PDE8B: variants seen among roughly 807,000 people sequenced by gnomAD.
PDE8B encodes phosphodiesterase 8B, also known as high affinity cAMP-specific and IBMX-insensitive 3',5'-cyclic phosphodiesterase 8B.
Under a neutral mutation model 101.3 loss-of-function variants are expected in PDE8B, and 26 were observed. The ratio of observed to expected loss-of-function variants is 0.26; its 90% confidence interval spans 0.19 to 0.36. PDE8B has a LOEUF of 0.36. PDE8B is among the 10% of genes least tolerant of loss of function. The pLI, the probability that PDE8B is intolerant of heterozygous loss-of-function variation, is 1.00. For missense variants in PDE8B, 810 were observed against 1,163.1 expected (o/e 0.70, Z 4.42); for synonymous variants, 424 against 429.3 (o/e 0.99, Z 0.15).
At chr5:77,378,048 A>ACACACACACAC (rs1347483439) in intron 10 of PDE8B, among the ~76,000 whole-genome samples, 1 of 93,848 alleles carries the variant, frequency 1.1e-5, no homozygotes, top group South Asian at 3.5e-4. Context: ...ACACACACAC[A>ACACACACACAC]CCCCCTGTTG....
intron 10 of PDE8B, among the ~76,000 whole-genome samples, chr5:77,391,994 G>T (rs1047819872): frequency 7.2e-5 from 11 of 152,098 alleles, no homozygotes; most frequent in African/African-American, 1.9e-4. Flanking sequence ...ATAGCAAATG[G>T]TCTTTATCCC....
chr5:77,097,685 T>A, the PDE8B span, among the ~76,000 whole-genome samples: 45 of 18,128 alleles, frequency 2.5e-3, 1 homozygote, highest in African/African-American at 5.3e-3. Context: ...TGTGGAGATT[T>A]TATATATCTA....
intron 21 of PDE8B, 45 bp from the exon 22 acceptor site, chr5:77,426,400 G>C: frequency 2.3e-6 from 3 of 1,277,778 alleles, no homozygotes; most frequent in Non-Finnish European, 3.4e-6. Context: ...ATGCTCCTGG[G>C]GTCTAAGTTC....
chr5:77,212,531 A>C (rs577903501), intron 1 of PDE8B, among the ~76,000 whole-genome samples: 1 of 152,280 alleles, frequency 6.6e-6, no homozygotes, highest in East Asian at 1.9e-4. Flanking sequence ...TCTGGCAGTA[A>C]TCATAATCAC....
intron 2 of PDE8B, among the ~76,000 whole-genome samples, chr5:77,321,142 A>ATTTTT (rs10538529): frequency 6.8e-4 from 52 of 76,398 alleles, no homozygotes; most frequent in East Asian, 1.1e-3. Flanking sequence ...CAGTATCTCT[A>ATTTTT]TTTTTTTTTT....
At chr5:77,204,202 G>T in the PDE8B span, among the ~76,000 whole-genome samples, 6,747 of 151,742 alleles carry the variant, frequency 0.044, 227 homozygotes, top group African/African-American at 0.09. Flanking sequence ...CTGAGGTCAG[G>T]AGTTCAAGAA....
chr5:77,292,872 T>G (rs1226386304), intron 1 of PDE8B, among the ~76,000 whole-genome samples: 2 of 152,290 alleles, frequency 1.3e-5, no homozygotes, highest in African/African-American at 4.8e-5. Flanking sequence ...CCTAACAATC[T>G]TTTCTTGGTT....
At chr5:77,331,553 T>C in intron 5 of PDE8B, 94 bp downstream of exon 5, 1 of 952,432 alleles carries the variant, frequency 1.0e-6, no homozygotes, top group South Asian at 1.3e-5. Context: ...CGGAGAACTG[T>C]TAAGGAAATT....
chr5:77,248,181 G>A (rs1757347123), intron 1 of PDE8B, among the ~76,000 whole-genome samples: 1 of 152,198 alleles, frequency 6.6e-6, no homozygotes, highest in Non-Finnish European at 1.5e-5. Flanking sequence ...GAGGGCTAAT[G>A]AGCATTAACT....
chr5:77,291,211 A>G (rs1767251914), intron 1 of PDE8B: 1 of 1,610,794 alleles, frequency 6.2e-7, no homozygotes, highest in Non-Finnish European at 8.5e-7. Context: ...GAAAGCATCC[A>G]TCATGAGGTT....
chr5:77,208,353 T>G (rs1477533983), upstream of PDE8B, among the ~76,000 whole-genome samples: 1 of 152,238 alleles, frequency 6.6e-6, no homozygotes, highest in Non-Finnish European at 1.5e-5. Flanking sequence ...AGGCTGTCAT[T>G]GATAGCTCCA....
At chr5:77,122,160 C>G in the PDE8B span, among the ~76,000 whole-genome samples, 1 of 152,174 alleles carries the variant, frequency 6.6e-6, no homozygotes, top group Admixed American at 6.5e-5. Context: ...AACTTTACCT[C>G]TGAGGGGTCT....
At chr5:77,384,522 G>A (rs1362018180) in intron 10 of PDE8B, among the ~76,000 whole-genome samples, 1 of 152,148 alleles carries the variant, frequency 6.6e-6, no homozygotes, top group Non-Finnish European at 1.5e-5. Flanking sequence ...GAATAGGCGT[G>A]GTGAGAGAGG....
chr5:77,087,000 C>CA, the PDE8B span: 1 of 152,370 alleles, frequency 6.6e-6, no homozygotes, highest in Admixed American at 6.5e-5. Context: ...AGGGCACGCC[C>CA]CGCGCGGGTG....
At chr5:77,269,592 G>A (rs892225128) in intron 1 of PDE8B, among the ~76,000 whole-genome samples, 3 of 151,914 alleles carry the variant, frequency 2.0e-5, no homozygotes, top group African/African-American at 4.8e-5. Context: ...TTCTTTTAAC[G>A]GTTTCATAGT....
rs931636285 is a variant in PDE8B at position 77,407,591 on chromosome 5, CAAATA to C, written c.1365+137_1365+141del. On this transcript the variant is annotated intron_variant, in intron 13 of 21. Transcript: ENST00000264917. ...AAATAACAGGCAAATAAACACATAG[CAAATA>C]AACACCTCATCCTAAGTCACAATCA... 6 of 714,002 alleles carry C rather than the reference CAAATA, an allele frequency of 8.4e-6. No individual in the cohort carries two copies. The Admixed American group carries it at 1.2e-4, about 14-fold the overall frequency. The allele number at this position is 714,002 out of a possible 1,614,324, so 44.2% of individuals were successfully genotyped here.
the PDE8B span, among the ~76,000 whole-genome samples, chr5:77,157,398 G>A: frequency 1.3e-5 from 2 of 152,178 alleles, no homozygotes; most frequent in Non-Finnish European, 2.9e-5. Context: ...GCAGGTGAGA[G>A]CCACTAAAAC....
chr5:77,239,312 G>A (rs1408350288), intron 1 of PDE8B, among the ~76,000 whole-genome samples: 3 of 152,144 alleles, frequency 2.0e-5, no homozygotes, highest in Non-Finnish European at 4.4e-5. Context: ...CTTTGAATAT[G>A]TCCCATGTGT....
chr5:77,315,378 GTC>G (rs1773584867), intron 2 of PDE8B, among the ~76,000 whole-genome samples: 2 of 152,096 alleles, frequency 1.3e-5, no homozygotes, highest in African/African-American at 4.8e-5. Context: ...CCATATTAAT[GTC>G]TGATTGTTTC....
Sources: allele counts gnomAD v4.1 joint callset (sites outside exome capture counted in the v4.1 genomes callset), GRCh38; gene constraint gnomAD v4.1.1; transcripts MANE v1.5; gene names NCBI Gene and HGNC (gene_info 2026-07-23, HGNC 2026-07-21).